Variants in MSN observed in about 807,000 individuals in gnomAD.
MSN encodes the protein epididymis luminal protein 70.
Under a neutral mutation model 48.0 loss-of-function variants are expected in MSN, and 2 were observed. That is an observed-to-expected ratio of 0.04 (90% CI 0.02 to 0.13). The LOEUF (loss-of-function observed/expected upper bound fraction) is 0.13, where lower values mean the gene tolerates loss of function less well. MSN is among the 10% of genes least tolerant of loss of function. MSN has a pLI of 1.00. For missense variants in MSN, 267 were observed against 470.1 expected (o/e 0.57, Z 3.99); for synonymous variants, 146 against 166.9 (o/e 0.87, Z 0.97).
At chrX:65,636,894 A>G (rs1159372402) in intron 1 of MSN, among the ~76,000 whole-genome samples, 2 of 96,446 alleles carry the variant, frequency 2.1e-5, no homozygotes, top group Non-Finnish European at 4.1e-5. Context: ...ATCCTGGCTA[A>G]CACGGTGAAA....
intron 2 of MSN, among the ~76,000 whole-genome samples, chrX:65,726,944 CT>C (rs1282731442): frequency 9.0e-6 from 1 of 111,069 alleles, no homozygotes; most frequent in African/African-American, 3.3e-5. Flanking sequence ...CATCTGTGTT[CT>C]CTTGGCAAGC....
intron 2 of MSN, among the ~76,000 whole-genome samples, chrX:65,718,803 G>A (rs1177049928): frequency 1.1e-5 from 1 of 93,502 alleles, no homozygotes; most frequent in Non-Finnish European, 2.0e-5. Context: ...AGGTGACAGA[G>A]CAAGACTCTG....
chrX:65,735,550 C>A (rs2071667753), intron 8 of MSN, 120 bp downstream of exon 8: 3 of 784,447 alleles, frequency 3.8e-6, no homozygotes, highest in Non-Finnish European at 5.3e-6. Flanking sequence ...AGAGGTTAGA[C>A]ACCAATATTC....
chrX:65,605,844 C>T (rs1602712123), intron 1 of MSN, among the ~76,000 whole-genome samples: 1 of 111,970 alleles, frequency 8.9e-6, no homozygotes, highest in Middle Eastern at 4.6e-3. Flanking sequence ...TTTTCCATAT[C>T]CCAGACTAAG....
At chrX:65,706,427 C>T (rs866056098) in intron 1 of MSN, among the ~76,000 whole-genome samples, 2 of 111,795 alleles carry the variant, frequency 1.8e-5, no homozygotes, top group Non-Finnish European at 3.8e-5. Flanking sequence ...TTCTTCTCTA[C>T]ACCAGCAGCC....
chrX:65,654,053 T>C (rs2070762430), intron 1 of MSN, among the ~76,000 whole-genome samples: 1 of 106,029 alleles, frequency 9.4e-6, no homozygotes, highest in African/African-American at 3.4e-5. Flanking sequence ...TGGGATTACA[T>C]GCGTGAGCCA....
intron 1 of MSN, among the ~76,000 whole-genome samples, chrX:65,621,968 G>C (rs73213347): frequency 3.6e-5 from 4 of 111,699 alleles, no homozygotes; most frequent in Admixed American, 9.5e-5. Context: ...TGTTGACATT[G>C]TACCCCACAA....
At chrX:65,716,669 A>G (rs1451341690) in intron 1 of MSN, 149 bp from the exon 2 acceptor site, 1 of 486,131 alleles carries the variant, frequency 2.1e-6, no homozygotes, top group Non-Finnish European at 3.6e-6. Flanking sequence ...GTTTGGGTCA[A>G]TATTCTCCCT....
rs763475454 is a variant in MSN, at chrX:65,729,428, C to T, written c.193-10C>T. ...ATTTTTTGAGAGTCCATAACCCTTACTCTTCCCAGGTGACTGCCCAGGATG... is the reference window on the plus strand; with the variant it reads ...ATTTTTTGAGAGTCCATAACCCTTATTCTTCCCAGGTGACTGCCCAGGATG... On this transcript the variant is annotated splice_polypyrimidine_tract_variant and intron_variant, in intron 3 of 12. Coordinates refer to ENST00000360270, the MANE Select transcript of MSN (RefSeq NM_002444.3). 3.3e-5 allele frequency: 40 copies of T among 1,206,159 alleles called. No individual in the cohort carries two copies. The highest frequency in any genetic ancestry group is 4.3e-5 in the Non-Finnish European group (38 of 893,244).
At chrX:65,596,515 A>T (rs184596501) in intron 1 of MSN, among the ~76,000 whole-genome samples, 39 of 111,012 alleles carry the variant, frequency 3.5e-4, no homozygotes, top group Non-Finnish European at 6.8e-4. Flanking sequence ...CATAATTGCT[A>T]GCTGGGACAT....
intron 1 of MSN, among the ~76,000 whole-genome samples, chrX:65,620,700 G>A (rs924501695): frequency 9.0e-6 from 1 of 111,660 alleles, no homozygotes; most frequent in Admixed American, 9.5e-5. Flanking sequence ...CTGTAGACCG[G>A]AGCTGCTCCT....
chrX:65,702,069 G>A (rs1176897810), intron 1 of MSN, among the ~76,000 whole-genome samples: 1 of 105,167 alleles, frequency 9.5e-6, no homozygotes, highest in Non-Finnish European at 2.0e-5. Context: ...CTGCAGGACA[G>A]TGGTGCAATC....
intron 1 of MSN, among the ~76,000 whole-genome samples, chrX:65,642,350 G>GGT (rs61644801): frequency 0.026 from 2,461 of 96,150 alleles, 41 homozygotes; most frequent in East Asian, 0.089. Context: ...TGTACATTAT[G>GGT]GTGTGTGTGT....
intron 1 of MSN, among the ~76,000 whole-genome samples, chrX:65,592,262 C>T (rs1343224436): frequency 3.2e-5 from 3 of 93,036 alleles, no homozygotes; most frequent in Non-Finnish European, 2.0e-5. Flanking sequence ...GTGGCGCCAT[C>T]TTGGCTCACT....
At chrX:65,708,892 A>AGGCTG (rs1386737365) in intron 1 of MSN, among the ~76,000 whole-genome samples, 1 of 111,372 alleles carries the variant, frequency 9.0e-6, no homozygotes, top group Non-Finnish European at 1.9e-5. Context: ...TGTGTTGGCC[A>AGGCTG]GGCTGGTCTT....
At chrX:65,724,287 G>A (rs2071546185) in intron 2 of MSN, among the ~76,000 whole-genome samples, 1 of 110,952 alleles carries the variant, frequency 9.0e-6, no homozygotes, top group South Asian at 3.8e-4. Flanking sequence ...TGGGATTACA[G>A]GCATGTGCCA....
At chrX:65,695,769 GGCACCTAAT>G (rs1334646439) in intron 1 of MSN, among the ~76,000 whole-genome samples, 1 of 108,989 alleles carries the variant, frequency 9.2e-6, no homozygotes, top group Non-Finnish European at 1.9e-5. Flanking sequence ...TCTATGAGCT[GGCACCTAAT>G]GCCAAAGTGG....
chrX:65,593,889 G>A (rs2070167476), intron 1 of MSN, among the ~76,000 whole-genome samples: 1 of 112,423 alleles, frequency 8.9e-6, no homozygotes, highest in Non-Finnish European at 1.9e-5. Context: ...TCTTCATTGA[G>A]TCTGTTCCTC....
At chrX:65,637,492 C>T (rs1407773376) in intron 1 of MSN, among the ~76,000 whole-genome samples, 1 of 110,699 alleles carries the variant, frequency 9.0e-6, no homozygotes, top group Admixed American at 9.6e-5. Context: ...ATAGACCTTC[C>T]CACCTCTCTG....
Sources: gnomAD v4.1 joint callset for allele counts (sites outside exome capture counted in the v4.1 genomes callset) on GRCh38, gnomAD v4.1.1 for gene constraint, MANE v1.5 for transcripts, NCBI Gene and HGNC (gene_info 2026-07-23, HGNC 2026-07-21) for gene names.